PCDHGB6: variants seen among roughly 807,000 people sequenced by gnomAD.
The protein encoded by PCDHGB6 is protocadherin gamma-B6.
Under a neutral mutation model 59.1 loss-of-function variants are expected in PCDHGB6, and 51 were observed. The ratio of observed to expected loss-of-function variants is 0.86; its 90% CI spans 0.69 to 1.09. The LOEUF is 1.09. Ranked by LOEUF, PCDHGB6 falls within the 50% of genes least tolerant of loss-of-function variation. PCDHGB6 has a pLI of 0.00. For missense variants in PCDHGB6, 1,148 were observed against 1,205.1 expected (o/e 0.95, Z 0.70); for synonymous variants, 466 against 495.1 (o/e 0.94, Z 0.78).
At chr5:141,450,134 G>A (rs1267554616) in intron 1 of PCDHGB6, among the ~76,000 whole-genome samples, 1 of 151,424 alleles carries the variant, frequency 6.6e-6, no homozygotes, top group East Asian at 2.0e-4. Context: ...AGCCTCCTGA[G>A]TAGCTGGGAC....
At chr5:141,428,245 C>A in intron 1 of PCDHGB6, 1 of 948,140 alleles carries the variant, frequency 1.1e-6, no homozygotes, top group South Asian at 1.4e-5. Flanking sequence ...GGAGGCACTG[C>A]CAGACTTCAG....
rs1365133001 is a variant in PCDHGB6 at position 141,477,683 on chromosome 5, G to A, written c.2419-17124G>A. ...TGACAATGGCATAGTGTCATCCTTA[G>A]TGCCCCTAGACTATGAGGATCGGCG... On this transcript the variant is annotated intron_variant, in intron 1 of 3. Transcript: ENST00000520790. This position sits in a 1 kb window ranked among gnomAD's most constrained non-coding sequence, Gnocchi z 4.9. 1.2e-6 allele frequency: 2 copies of A among 1,614,176 alleles called. No homozygotes were observed. The highest frequency in any genetic ancestry group is 3.3e-5 in the Admixed American group (2 of 60,028).
At position 141,485,464 on chromosome 5, in the gene PCDHGB6, G is replaced by A. The variant is rs2099614016; in HGVS notation, c.2419-9343G>A. ...CAATCGACCGAGAGGCACTGTGTGG[G>A]CTCAGTGCCAGCTGCATCGTGCCCC... is the stretch of plus-strand genomic sequence containing the variant. On this transcript the variant is annotated intron_variant, in intron 1 of 3. Coordinates refer to ENST00000520790, the MANE Select transcript of PCDHGB6 (RefSeq NM_018926.3). The surrounding 1 kb of genome is among the most constrained non-coding windows in gnomAD (Gnocchi z 5.7). 6.2e-7 allele frequency: 1 copy of A among 1,614,106 alleles called. No homozygotes were observed. The highest frequency in any genetic ancestry group is 8.5e-7 in the Non-Finnish European group (1 of 1,179,958).
At chr5:141,414,280 G>A (rs1448512468) in intron 1 of PCDHGB6, 2 of 1,613,604 alleles carry the variant, frequency 1.2e-6, no homozygotes, top group Admixed American at 1.7e-5. Context: ...TCTGGGAACA[G>A]TCGTAGCCCT....
intron 1 of PCDHGB6, chr5:141,433,070 C>T: frequency 6.2e-7 from 1 of 1,614,174 alleles, no homozygotes; most frequent in Non-Finnish European, 8.5e-7. Flanking sequence ...CCTGATCTTC[C>T]CCCAGCCCAA....
chr5:141,431,411 G>A lies in PCDHGB6; in HGVS notation c.2418+20791G>A. On this transcript the variant is annotated intron_variant, in intron 1 of 3. Coordinates refer to ENST00000520790, the MANE Select transcript of PCDHGB6 (RefSeq NM_018926.3). This position sits in a 1 kb window ranked among gnomAD's most constrained non-coding sequence, Gnocchi z 4.8. ...CCTGGTCCTTACGGCCTCCGACGGG[G>A]GCGACCCGGTGCGCACAGGCACCGC... 3 of 1,613,728 alleles carry A rather than the reference G, an allele frequency of 1.9e-6. No individual in the cohort carries two copies. The highest frequency in any genetic ancestry group is 2.5e-6 in the Non-Finnish European group (3 of 1,180,038).
chr5:141,507,816 TG>T (rs1478957063), intron 3 of PCDHGB6, among the ~76,000 whole-genome samples: 1 of 152,130 alleles, frequency 6.6e-6, no homozygotes, highest in African/African-American at 2.4e-5. Flanking sequence ...GAACGGACCC[TG>T]GGGGTGGAGG....
Position 141,423,176 on chromosome 5 carries a change from A to C in PCDHGB6, c.2418+12556A>C, listed in dbSNP as rs781125798. Reference sequence around the variant, plus strand: ...AGCCTCGTGGTGGCCGTCCAGGACCACGGCCAGCCCCCTCTCTCGGCCACC... The same window carrying C: ...AGCCTCGTGGTGGCCGTCCAGGACCCCGGCCAGCCCCCTCTCTCGGCCACC... On this transcript the variant is annotated intron_variant, in intron 1 of 3. Transcript: ENST00000520790. 1.7e-5 allele frequency: 28 copies of C among 1,613,356 alleles called. No homozygotes were observed. In the African/African-American group the frequency reaches 3.6e-4, roughly 21 times the overall value.
chr5:141,458,674 A>G (rs1315462699), intron 1 of PCDHGB6, among the ~76,000 whole-genome samples: 1 of 152,104 alleles, frequency 6.6e-6, no homozygotes, highest in East Asian at 1.9e-4. Flanking sequence ...GGTTCAAGCA[A>G]TTCTACTGCC....
intron 1 of PCDHGB6, among the ~76,000 whole-genome samples, chr5:141,464,019 C>A (rs1285414825): frequency 2.0e-5 from 3 of 151,984 alleles, no homozygotes; most frequent in African/African-American, 4.8e-5. Context: ...TAATCCCACA[C>A]TTTGGGAGGC....
At chr5:141,429,542 A>G (rs1484411621) in intron 1 of PCDHGB6, among the ~76,000 whole-genome samples, 3 of 152,188 alleles carry the variant, frequency 2.0e-5, no homozygotes, top group African/African-American at 7.2e-5. Context: ...AAATAAGAAC[A>G]TGGTAATGAT....
intron 1 of PCDHGB6, chr5:141,423,466 G>C (rs770939556): frequency 1.2e-6 from 2 of 1,613,904 alleles, no homozygotes; most frequent in Admixed American, 3.3e-5. Context: ...CGTGGACGGG[G>C]TACAGGCTTT....
At position 141,486,720 on chromosome 5, in the gene PCDHGB6, C is replaced by G; in HGVS notation, c.2419-8087C>G. ...ATCTCTCTGAACCCCCAGACAGGAG[C>G]TGTTCATGCTACTCGATCCTTTGAC... On this transcript the variant is annotated intron_variant, in intron 1 of 3. Coordinates refer to ENST00000520790, the MANE Select transcript of PCDHGB6 (RefSeq NM_018926.3). This position sits in a 1 kb window ranked among gnomAD's most constrained non-coding sequence, Gnocchi z 5.0. The G allele has an allele frequency of 6.2e-7, 1 of 1,614,216 alleles. No homozygotes were observed. Among genetic ancestry groups the G allele is most frequent in the Non-Finnish European group, 8.5e-7 (1 of 1,180,038 alleles).
rs192631651 is a variant in PCDHGB6 at position 141,432,052 on chromosome 5, C to T, written c.2418+21432C>T. On this transcript the variant is annotated intron_variant, in intron 1 of 3. Transcript: ENST00000520790. This position sits in a 1 kb window ranked among gnomAD's most constrained non-coding sequence, Gnocchi z 6.0. ...CCGCCACTGACCGGGGAACCCCGCC[C>T]CTATCCACGGAAACTCATATCTCGC... is the stretch of plus-strand genomic sequence containing the variant. The T allele has an allele frequency of 1.2e-6, 2 of 1,614,108 alleles. No individual in the cohort carries two copies. The highest frequency in any genetic ancestry group is 1.3e-5 in the African/African-American group (1 of 74,930).
At chr5:141,504,134 A>G (rs73280371) in intron 2 of PCDHGB6, among the ~76,000 whole-genome samples, 139 of 152,168 alleles carry the variant, frequency 9.1e-4, no homozygotes, top group African/African-American at 3.1e-3. Flanking sequence ...TCCCGCCAAC[A>G]CTCCCCTGCA....
chr5:141,489,804 G>A lies in PCDHGB6; in HGVS notation c.2419-5003G>A, dbSNP rs2099692572. 1 of 1,614,056 alleles carries A rather than the reference G, an allele frequency of 6.2e-7. No homozygotes were observed. The highest frequency in any genetic ancestry group is 1.3e-5 in the African/African-American group (1 of 74,932). ...TGAATGTGAAGACCCTAAAAGATGG[G>A]AAGCCATTCCCAGAGCTGGTGCTAG... On this transcript the variant is annotated intron_variant, in intron 1 of 3. Transcript: ENST00000520790. The surrounding 1 kb of genome is among the most constrained non-coding windows in gnomAD (Gnocchi z 4.5).
Position 141,409,549 on chromosome 5 carries a change from C to T in PCDHGB6, c.1347C>T (p.Ala449=). ...TLYVADINDN[A]PVFDQTSYVV... ...ATGTCGCTGACATCAACGACAACGC[C>T]CCAGTTTTCGACCAGACGTCCTACG... Residue 449 remains alanine (A), a synonymous_variant, in exon 1 of 4, where the codon GCC becomes GCT. Coordinates refer to ENST00000520790, the MANE Select transcript of PCDHGB6 (RefSeq NM_018926.3). The T allele has an allele frequency of 6.2e-7, 1 of 1,614,004 alleles. No individual in the cohort carries two copies. Among genetic ancestry groups the T allele is most frequent in the Non-Finnish European group, 8.5e-7 (1 of 1,179,908 alleles).
At chr5:141,412,067 G>A (rs1428018643) in intron 1 of PCDHGB6, 2 of 152,170 alleles carry the variant, frequency 1.3e-5, no homozygotes, top group Non-Finnish European at 2.9e-5. Context: ...TTGCATTTGA[G>A]GGAACAATTG....
chr5:141,494,815 G>T lies in PCDHGB6; in HGVS notation c.2427G>T (p.Pro809=). The change falls in exon 2 of 4, where the codon CCG becomes CCT. Residue 809 remains proline, a synonymous_variant. Transcript: ENST00000520790. ...CTCTGTTTTCTCCACAGCAAGCCCC[G>T]CCCAACACGGACTGGCGTTTCTCTC... The part of the protein sequence containing the change: ...SHPETLTSQA[P]PNTDWRFSQA... 1.2e-6 allele frequency: 2 copies of T among 1,613,976 alleles called. No individual in the cohort carries two copies. The highest frequency in any genetic ancestry group is 1.1e-5 in the South Asian group (1 of 91,072).
Sources: allele counts gnomAD v4.1 joint callset (sites outside exome capture counted in the v4.1 genomes callset), GRCh38; gene constraint gnomAD v4.1.1; non-coding constraint Gnocchi (gnomAD v3.1); transcripts MANE v1.5; gene names NCBI Gene and HGNC (gene_info 2026-07-23, HGNC 2026-07-21).